Variants in CFAP144 observed in about 807,000 individuals in gnomAD.
The protein encoded by CFAP144 is cilia and flagella associated protein 144, also known as cilia- and flagella-associated protein 144.
chr1:43,153,019 G>C, the CFAP144 span: 4 of 1,496,396 alleles, frequency 2.7e-6, no homozygotes, highest in African/African-American at 4.2e-5. Flanking sequence ...GGCCAGACAT[G>C]CCTGGGCTTG....
chr1:43,153,198 CTG>C, the CFAP144 span, among the ~76,000 whole-genome samples: 4 of 152,148 alleles, frequency 2.6e-5, no homozygotes, highest in African/African-American at 9.7e-5. Context: ...ATGGTAAACA[CTG>C]TGTGTTTAAA....
At chr1:43,146,506 G>T in the CFAP144 span, among the ~76,000 whole-genome samples, 4 of 152,122 alleles carry the variant, frequency 2.6e-5, no homozygotes, top group Admixed American at 1.3e-4. Flanking sequence ...TAAAGGAAAA[G>T]ACTAATATAT....
At chr1:43,145,101 G>A in the CFAP144 span, 1 of 653,154 alleles carries the variant, frequency 1.5e-6, no homozygotes. Context: ...CTCTTCAGAT[G>A]CCAGAGATTT....
chr1:43,147,881 G>C, the CFAP144 span: 1 of 1,585,314 alleles, frequency 6.3e-7, no homozygotes, highest in Middle Eastern at 1.7e-4. Context: ...CCGTTGCCTG[G>C]AGACAGCGGG....
chr1:43,146,363 T>G, the CFAP144 span, among the ~76,000 whole-genome samples: 2 of 152,238 alleles, frequency 1.3e-5, no homozygotes. Flanking sequence ...GATACTAGAA[T>G]GTTTTAAACT....
the CFAP144 span, among the ~76,000 whole-genome samples, chr1:43,150,013 C>A: frequency 6.6e-6 from 1 of 152,150 alleles, no homozygotes; most frequent in Non-Finnish European, 1.5e-5. Flanking sequence ...ATGCTTCCCA[C>A]ACACACAGCA....
At chr1:43,156,250 C>CT in the CFAP144 span, 1 of 1,614,018 alleles carries the variant, frequency 6.2e-7, no homozygotes, top group African/African-American at 1.3e-5. Flanking sequence ...ACTTCAGGGT[C>CT]TGCAGTGACA....
chr1:43,143,383 C>T, the CFAP144 span, among the ~76,000 whole-genome samples: 1 of 152,120 alleles, frequency 6.6e-6, no homozygotes, highest in Non-Finnish European at 1.5e-5. Flanking sequence ...AATCATGCAG[C>T]TGAACTTCCA....
the CFAP144 span, among the ~76,000 whole-genome samples, chr1:43,145,769 A>G: frequency 5.9e-5 from 9 of 152,218 alleles, no homozygotes; most frequent in African/African-American, 2.2e-4. Context: ...TGGACATACA[A>G]AGGGCCAAGA....
chr1:43,147,639 C>T, the CFAP144 span, among the ~76,000 whole-genome samples: 1 of 152,216 alleles, frequency 6.6e-6, no homozygotes, highest in Non-Finnish European at 1.5e-5. Context: ...TGGGTCTGCC[C>T]CTTGCCGGGA....
the CFAP144 span, chr1:43,148,085 G>A: frequency 6.2e-7 from 1 of 1,612,058 alleles, no homozygotes; most frequent in Admixed American, 1.7e-5. Context: ...CTCCGCAAGA[G>A]TGAGAGGCAC....
At chr1:43,152,894 C>G in the CFAP144 span, 1 of 1,613,558 alleles carries the variant, frequency 6.2e-7, no homozygotes, top group Non-Finnish European at 8.5e-7. Flanking sequence ...GAGACACAGA[C>G]TGAAAACCAG....
chr1:43,152,705 G>A, the CFAP144 span: 2 of 1,095,960 alleles, frequency 1.8e-6, no homozygotes, highest in Admixed American at 2.9e-5. Flanking sequence ...TCTTGAGGCT[G>A]AGGCAAACCT....
the CFAP144 span, among the ~76,000 whole-genome samples, chr1:43,143,024 C>T: frequency 6.6e-6 from 1 of 151,914 alleles, no homozygotes; most frequent in South Asian, 2.1e-4. Flanking sequence ...CTGCATGTCA[C>T]AGGGGTTTAG....
the CFAP144 span, among the ~76,000 whole-genome samples, chr1:43,144,482 T>G: frequency 1.3e-5 from 2 of 152,062 alleles, no homozygotes; most frequent in Non-Finnish European, 2.9e-5. Flanking sequence ...CTACCTCAAA[T>G]TTCTCTTTCT....
the CFAP144 span, among the ~76,000 whole-genome samples, chr1:43,151,306 A>G: frequency 6.6e-6 from 1 of 152,248 alleles, no homozygotes. Context: ...CATGGTCCTC[A>G]GGAAATATTA....
At chr1:43,151,349 C>T in the CFAP144 span, among the ~76,000 whole-genome samples, 4 of 152,144 alleles carry the variant, frequency 2.6e-5, no homozygotes, top group African/African-American at 9.7e-5. Flanking sequence ...TAGGTAATCT[C>T]TATGGTGGGG....
At chr1:43,151,883 C>G in the CFAP144 span, among the ~76,000 whole-genome samples, 1 of 152,116 alleles carries the variant, frequency 6.6e-6, no homozygotes, top group Admixed American at 6.6e-5. Flanking sequence ...ACTCTCCTGA[C>G]TAGGGTAAAG....
At chr1:43,147,973 AAGG>A in the CFAP144 span, 31 of 1,613,998 alleles carry the variant, frequency 1.9e-5, no homozygotes, top group South Asian at 3.3e-4. Flanking sequence ...CCCAAAAGAG[AAGG>A]TGATTCCAGA....
Sources: allele counts gnomAD v4.1 joint callset (sites outside exome capture counted in the v4.1 genomes callset), GRCh38; gene constraint gnomAD v4.1.1; transcripts MANE v1.5; gene names NCBI Gene and HGNC (gene_info 2026-07-23, HGNC 2026-07-21).